Variants in CCDC149 observed in about 807,000 individuals in gnomAD.
CCDC149 encodes the protein coiled-coil domain-containing protein 149.
CCDC149 carries 45 observed loss-of-function variants against 59.9 expected under a neutral mutation model. That is an observed-to-expected ratio of 0.75 (90% CI 0.59 to 0.96). The LOEUF (loss-of-function observed/expected upper bound fraction) is 0.96. CCDC149 is among the 40% of genes least tolerant of loss of function. The probability of loss-of-function intolerance (pLI) is 0.00; values close to 1 mark genes in which losing one functional copy is unlikely to be tolerated. For synonymous variants in CCDC149, 245 were observed against 260.6 expected (o/e 0.94, Z 0.58); for missense variants, 584 against 664.7 (o/e 0.88, Z 1.33).
intron 1 of CCDC149, among the ~76,000 whole-genome samples, chr4:24,974,039 C>CA (rs1223219725): frequency 6.6e-6 from 1 of 152,208 alleles, no homozygotes; most frequent in Non-Finnish European, 1.5e-5. Context: ...TTTTTAGTGG[C>CA]AAATAAAGTG....
At chr4:24,920,439 C>G (rs1039250557) in intron 1 of CCDC149, among the ~76,000 whole-genome samples, 1 of 152,222 alleles carries the variant, frequency 6.6e-6, no homozygotes, top group African/African-American at 2.4e-5. Context: ...CAGCTTGGTT[C>G]CCAGTAGGAG....
intron 1 of CCDC149, among the ~76,000 whole-genome samples, chr4:24,895,774 C>T (rs912266549): frequency 2.6e-5 from 4 of 152,164 alleles, no homozygotes; most frequent in African/African-American, 9.7e-5. Flanking sequence ...ACCTGGTGCA[C>T]CTGTCTTCAG....
At chr4:24,872,540 A>G (rs994549760) in intron 3 of CCDC149, among the ~76,000 whole-genome samples, 3 of 152,120 alleles carry the variant, frequency 2.0e-5, no homozygotes, top group African/African-American at 7.2e-5. Flanking sequence ...AAGAGCATGC[A>G]CCCATAGAAT....
At chr4:24,856,191 T>A (rs1346131038) in intron 3 of CCDC149, among the ~76,000 whole-genome samples, 2 of 152,180 alleles carry the variant, frequency 1.3e-5, no homozygotes, top group African/African-American at 4.8e-5. Flanking sequence ...TCCTTTGCAA[T>A]CCTGCCCCTT....
In CCDC149 at chr4:24,831,748, G is replaced by A. The variant is rs1716169187; in HGVS notation, c.821-98C>T. The A allele has an allele frequency of 7.6e-6, 8 of 1,046,226 alleles. No individual in the cohort carries two copies. The Admixed American group carries it at 1.8e-4, about 23-fold the overall frequency. 64.8% of individuals were successfully genotyped at this position (1,046,226 alleles called of 1,614,324 possible). On this transcript the variant is annotated intron_variant, in intron 8 of 12. Transcript: ENST00000635206. The stretch of plus-strand genomic sequence containing the variant: ...CTTCTTGGATAATGATATGTCCCCA[G>A]CTTCAAAATGCTACTATGTTGTATT...
At chr4:24,958,219 T>C (rs1455249994) in intron 1 of CCDC149, among the ~76,000 whole-genome samples, 1 of 152,232 alleles carries the variant, frequency 6.6e-6, no homozygotes, top group East Asian at 1.9e-4. Flanking sequence ...GCCCTGCATA[T>C]GGTAGCGTAC....
At chr4:24,937,415 A>G (rs12645335) in intron 1 of CCDC149, among the ~76,000 whole-genome samples, 31,576 of 152,210 alleles carry the variant, frequency 0.21, 4,400 homozygotes, top group African/African-American at 0.4. Flanking sequence ...GTCACGATAG[A>G]CTAGGCTATG....
At chr4:24,924,101 C>T (rs1403000432) in intron 1 of CCDC149, among the ~76,000 whole-genome samples, 1 of 152,158 alleles carries the variant, frequency 6.6e-6, no homozygotes, top group African/African-American at 2.4e-5. Context: ...TGAGAACAGA[C>T]ATATGGCTAC....
intron 9 of CCDC149, chr4:24,827,100 T>A (rs1014468489): frequency 3.9e-5 from 6 of 152,246 alleles, no homozygotes; most frequent in Non-Finnish European, 5.9e-5. Flanking sequence ...GCAGTGGTTT[T>A]AGATAGTAAT....
chr4:24,949,763 T>C (rs11942832), intron 1 of CCDC149, among the ~76,000 whole-genome samples: 17,278 of 152,054 alleles, frequency 0.11, 1,872 homozygotes, highest in East Asian at 0.29. Context: ...GCAAGAACAG[T>C]GCATTGTGGA....
At chr4:24,915,009 C>T (rs1441776718), upstream of CCDC149, among the ~76,000 whole-genome samples, 1 of 152,180 alleles carries the variant, frequency 6.6e-6, no homozygotes, top group Non-Finnish European at 1.5e-5. Context: ...TCCTAGGGGG[C>T]TTGCAAACTA....
chr4:24,810,463 A>C (rs1205228033), intron 12 of CCDC149, among the ~76,000 whole-genome samples: 1 of 151,344 alleles, frequency 6.6e-6, no homozygotes, highest in Non-Finnish European at 1.5e-5. Context: ...GGACTCCTGG[A>C]CCCCCTTTCC....
chr4:24,867,164 A>G (rs1718754487), intron 3 of CCDC149, among the ~76,000 whole-genome samples: 1 of 152,214 alleles, frequency 6.6e-6, no homozygotes, highest in African/African-American at 2.4e-5. Context: ...TCCAGTATTC[A>G]TTGAGCACTC....
intron 1 of CCDC149, among the ~76,000 whole-genome samples, chr4:24,940,119 GA>G (rs1281325590): frequency 6.6e-6 from 1 of 152,118 alleles, no homozygotes; most frequent in African/African-American, 2.4e-5. Context: ...TGAAATGAGG[GA>G]AAAAATGTTA....
At chr4:24,825,164 C>T (rs897512096) in intron 9 of CCDC149, among the ~76,000 whole-genome samples, 5 of 152,194 alleles carry the variant, frequency 3.3e-5, no homozygotes, top group African/African-American at 1.2e-4. Context: ...ATGCTACAGG[C>T]TGCAGGGGAT....
chr4:24,812,804 GA>G (rs1714714886), intron 12 of CCDC149, among the ~76,000 whole-genome samples: 1 of 152,186 alleles, frequency 6.6e-6, no homozygotes, highest in Non-Finnish European at 1.5e-5. Context: ...AAAGTGTGCA[GA>G]GGAACTCTCA....
intron 1 of CCDC149, among the ~76,000 whole-genome samples, chr4:24,966,950 G>A (rs1160222392): frequency 6.6e-6 from 1 of 152,180 alleles, no homozygotes; most frequent in East Asian, 1.9e-4. Context: ...GGTGGATACT[G>A]GTGCAGATTG....
upstream of CCDC149, among the ~76,000 whole-genome samples, chr4:24,916,282 G>A (rs560742362): frequency 6.6e-6 from 1 of 152,266 alleles, no homozygotes; most frequent in African/African-American, 2.4e-5. Flanking sequence ...AGTTGCTTTT[G>A]AGTGATGCTT....
At chr4:24,914,188 C>G (rs145459869), upstream of CCDC149, among the ~76,000 whole-genome samples, 9 of 152,250 alleles carry the variant, frequency 5.9e-5, no homozygotes, top group Admixed American at 3.3e-4. Flanking sequence ...ACTTCTGGCT[C>G]TAGCATCTTG....
Sources: allele counts gnomAD v4.1 joint callset (sites outside exome capture counted in the v4.1 genomes callset), GRCh38; gene constraint gnomAD v4.1.1; transcripts MANE v1.5; gene names NCBI Gene and HGNC (gene_info 2026-07-23, HGNC 2026-07-21).